Variants in ZNF483 observed in about 807,000 individuals in gnomAD.
ZNF483 encodes zinc finger protein 483.
Under a neutral mutation model 28.6 loss-of-function variants are expected in ZNF483, and 9 were observed. The ratio of observed to expected loss-of-function variants is 0.32; its 90% CI spans 0.19 to 0.55. ZNF483 has a LOEUF of 0.55. Among genes scored for constraint, ZNF483 ranks in the 20% least tolerant of loss-of-function variants. The probability of loss-of-function intolerance (pLI) is 0.93; values close to 1 mark genes in which losing one functional copy is unlikely to be tolerated. For missense variants in ZNF483, 675 were observed against 871.7 expected (o/e 0.77, Z 2.84); for synonymous variants, 322 against 306.2 (o/e 1.05, Z -0.54).
chr9:111,561,815 T>C (rs369650302), intron 5 of ZNF483, among the ~76,000 whole-genome samples: 3 of 152,244 alleles, frequency 2.0e-5, no homozygotes, highest in Non-Finnish European at 4.4e-5. Context: ...AAATCACTGA[T>C]ATCGGCAGGG....
chr9:111,557,443 C>CT (rs35404480), downstream of ZNF483, among the ~76,000 whole-genome samples: 5 of 151,178 alleles, frequency 3.3e-5, no homozygotes, highest in African/African-American at 9.7e-5. Context: ...AACTCATTAT[C>CT]TTTTTTTTGC....
Position 111,566,122 on chromosome 9 carries a change from G to A in ZNF483, c.722-10243G>A, listed in dbSNP as rs369546186. 3.3e-5 allele frequency among the ~76,000 whole-genome samples: 5 copies of A among 152,018 alleles called. No individual in the cohort carries two copies. The East Asian group carries it at 5.8e-4, about 18-fold the overall frequency. On this transcript the variant is annotated intron_variant, in intron 5 of 5. Transcript: ENST00000358151. ...GGAGGCTGAAGTGGGAGAATCACTC[G>A]AACCCAGGAAGTAGAGGTTGCAGTG...
chr9:111,555,484 A>T (rs983978088), downstream of ZNF483, among the ~76,000 whole-genome samples: 1 of 152,132 alleles, frequency 6.6e-6, no homozygotes, highest in African/African-American at 2.4e-5. Context: ...CAATATGTGT[A>T]TTAGTCTGTT....
At chr9:111,537,076 G>A (rs1311358614) in intron 5 of ZNF483, among the ~76,000 whole-genome samples, 1 of 152,098 alleles carries the variant, frequency 6.6e-6, no homozygotes, top group Admixed American at 6.5e-5. Flanking sequence ...GCAGCACTTT[G>A]TATGGGTCCC....
chr9:111,575,793 C>A (rs1471623166), intron 5 of ZNF483, among the ~76,000 whole-genome samples: 1 of 152,146 alleles, frequency 6.6e-6, no homozygotes, highest in Non-Finnish European at 1.5e-5. Context: ...CTATAAAACT[C>A]TTAGAAGAAA....
intron 2 of ZNF483, among the ~76,000 whole-genome samples, chr9:111,529,625 A>G (rs1479182056): frequency 6.6e-6 from 1 of 152,276 alleles, no homozygotes; most frequent in Non-Finnish European, 1.5e-5. Context: ...TTAAATTAGG[A>G]TACTTCACAA....
chr9:111,575,314 AAAAT>A (rs1184139723), intron 5 of ZNF483: 1 of 152,540 alleles, frequency 6.6e-6, no homozygotes, highest in East Asian at 1.9e-4. Context: ...GAAAAAAAGA[AAAAT>A]AAATAAACAG....
At chr9:111,530,485 G>A (rs1827296062) in intron 2 of ZNF483, among the ~76,000 whole-genome samples, 1 of 151,954 alleles carries the variant, frequency 6.6e-6, no homozygotes. Flanking sequence ...TTGGTCAAAA[G>A]CCCTGGAGGG....
intron 5 of ZNF483, among the ~76,000 whole-genome samples, chr9:111,566,979 C>T (rs1013570279): frequency 1.3e-5 from 2 of 151,772 alleles, no homozygotes; most frequent in African/African-American, 4.8e-5. Context: ...GTCCCAGCTA[C>T]TCAGGAGGTT....
chr9:111,576,339 A>G, intron 5 of ZNF483: 1 of 1,613,370 alleles, frequency 6.2e-7, no homozygotes, highest in Non-Finnish European at 8.5e-7. Context: ...ACCAGTACTC[A>G]CTAAGCTTTC....
intron 2 of ZNF483, among the ~76,000 whole-genome samples, chr9:111,530,260 C>T (rs1388638071): frequency 1.3e-5 from 2 of 152,180 alleles, no homozygotes; most frequent in African/African-American, 2.4e-5. Context: ...TAGCTAACCA[C>T]GTGGCAGTTC....
At position 111,534,295 on chromosome 9, in the gene ZNF483, G is replaced by C; in HGVS notation, c.663G>C (p.Gln221His). ...FPVSKLELIS[Q>H]LKWVELPWLL... ...TTTCAAAATTAGAGTTGATTTCCCA[G>C]CTAAAGTGGGTTGAATTGCCATGGC... Residue 221 changes from glutamine to histidine, a missense_variant, in exon 5 of 6, where the codon CAG becomes CAC. By Grantham distance (24) the Gln-to-His change is conservative (BLOSUM62 0). This residue lies in a region of ZNF483 where 525 missense variants were observed against 581.8 expected (regional missense o/e 0.90). Coordinates refer to ENST00000309235, the MANE Select transcript of ZNF483 (RefSeq NM_133464.5). 1.9e-6 allele frequency: 3 copies of C among 1,614,130 alleles called. No individual in the cohort carries two copies. Among genetic ancestry groups the C allele is most frequent in the Non-Finnish European group, 2.5e-6 (3 of 1,180,018 alleles).
rs866633042 is a variant in ZNF483, at chr9:111,549,104, T to C, written c.*5934T>C. ...CCTTCCAGTTCTGTAGAGTGGTTTATTGCTTTATTATCAGTGCAATAGAGA... is the reference window on the plus strand; with the variant it reads ...CCTTCCAGTTCTGTAGAGTGGTTTACTGCTTTATTATCAGTGCAATAGAGA... On this transcript the variant is annotated 3_prime_UTR_variant, in exon 6 of 6. Coordinates refer to ENST00000309235, the MANE Select transcript of ZNF483 (RefSeq NM_133464.5). 7.9e-5 allele frequency among the ~76,000 whole-genome samples: 12 copies of C among 152,222 alleles called. No individual in the cohort carries two copies. The highest frequency in any genetic ancestry group is 1.3e-4 in the Non-Finnish European group (9 of 68,036).
intron 3 of ZNF483, among the ~76,000 whole-genome samples, chr9:111,532,759 A>C (rs988050164): frequency 2.6e-5 from 4 of 152,170 alleles, no homozygotes; most frequent in African/African-American, 9.7e-5. Flanking sequence ...TATTTCAAAA[A>C]TTAGCTGGGT....
intron 5 of ZNF483, among the ~76,000 whole-genome samples, chr9:111,572,756 CAAAAAAAAA>C (rs58101079): frequency 9.4e-5 from 6 of 63,508 alleles, no homozygotes; most frequent in African/African-American, 3.8e-4. Flanking sequence ...GACCCTGTCT[CAAAAAAAAA>C]AAAAAAAAAA....
chr9:111,541,336 G>A (rs757709885), intron 5 of ZNF483, among the ~76,000 whole-genome samples: 1 of 152,020 alleles, frequency 6.6e-6, no homozygotes, highest in Non-Finnish European at 1.5e-5. Context: ...TGATCTCCCT[G>A]CCTTGGCCTC....
intron 5 of ZNF483, chr9:111,574,821 T>C (rs775988364): frequency 5.6e-6 from 9 of 1,613,742 alleles, no homozygotes; most frequent in Non-Finnish European, 7.6e-6. Context: ...CCGATAACAG[T>C]GTTTGAAAAC....
intron 5 of ZNF483, among the ~76,000 whole-genome samples, chr9:111,540,702 G>A (rs1827650822): frequency 6.6e-6 from 1 of 152,162 alleles, no homozygotes; most frequent in Admixed American, 6.5e-5. Context: ...TATATTGGTG[G>A]TGCTGCATAT....
chr9:111,564,203 C>T (rs1367260516), intron 5 of ZNF483: 1 of 1,067,540 alleles, frequency 9.4e-7, no homozygotes, highest in Non-Finnish European at 1.2e-6. Flanking sequence ...GCTTAGCACT[C>T]TTCATGGATT....
Sources: gnomAD v4.1 joint callset for allele counts (sites outside exome capture counted in the v4.1 genomes callset) on GRCh38, gnomAD v4.1.1 for gene constraint, gnomAD v4.1.1 regional missense constraint, MANE v1.5 for transcripts, NCBI Gene and HGNC (gene_info 2026-07-23, HGNC 2026-07-21) for gene names.